CPQ: variants seen among roughly 807,000 people sequenced by gnomAD.
CPQ encodes the protein carboxypeptidase Q.
A neutral mutation model predicts 45.7 loss-of-function variants in CPQ; 37 were observed. That is an observed-to-expected ratio of 0.81 (90% CI 0.62 to 1.07). The LOEUF is 1.07. Among genes scored for constraint, CPQ ranks in the 50% least tolerant of loss-of-function variants. CPQ has a pLI of 0.00. For synonymous variants in CPQ, 186 were observed against 205.8 expected, an observed-to-expected ratio of 0.90 and a Z score of 0.82; for missense variants, 537 against 572.9, an observed-to-expected ratio of 0.94 and a Z score of 0.64.
chr8:97,060,779 A>G (rs1414628205), intron 6 of CPQ, among the ~76,000 whole-genome samples: 1 of 152,158 alleles, frequency 6.6e-6, no homozygotes, highest in Non-Finnish European at 1.5e-5. Context: ...CACTAGCTAT[A>G]ATCAGCTTTT....
chr8:96,866,873 G>C (rs574806252), intron 3 of CPQ, among the ~76,000 whole-genome samples: 1 of 152,222 alleles, frequency 6.6e-6, no homozygotes, highest in African/African-American at 2.4e-5. Context: ...CTAGGCCTTA[G>C]GAACACACTA....
At chr8:96,842,181 C>T (rs1487229010) in intron 3 of CPQ, among the ~76,000 whole-genome samples, 1 of 152,084 alleles carries the variant, frequency 6.6e-6, no homozygotes, top group Non-Finnish European at 1.5e-5. Flanking sequence ...TTGCTTTCCC[C>T]ACTCCCTTTG....
intron 1 of CPQ, among the ~76,000 whole-genome samples, chr8:96,681,217 A>G (rs1006797639): frequency 2.0e-5 from 3 of 152,248 alleles, no homozygotes; most frequent in Non-Finnish European, 4.4e-5. Flanking sequence ...ACTCCAGGGC[A>G]GGTCAGAAGT....
intron 4 of CPQ, among the ~76,000 whole-genome samples, chr8:96,917,887 T>C (rs957834708): frequency 2.6e-5 from 4 of 152,128 alleles, no homozygotes; most frequent in South Asian, 4.1e-4. Flanking sequence ...AGTTCCAGCA[T>C]AGATGTATTG....
At position 96,814,543 on chromosome 8, in the gene CPQ, A is replaced by C. The variant is rs570580895; in HGVS notation, c.434-20430A>C. Among the ~76,000 whole-genome samples, 12 of 152,264 alleles carry C rather than the reference A, an allele frequency of 7.9e-5. No individual in the cohort carries two copies. In the South Asian group the frequency reaches 2.5e-3, roughly 32 times the overall value. ...TAAGAGCTAATATATGAAATATACA[A>C]TCTGTATCTGGATGTTTGCATTTCT... On this transcript the variant is annotated intron_variant, in intron 2 of 7. Transcript: ENST00000220763.
chr8:96,833,066 T>C (rs1811480935), intron 2 of CPQ, among the ~76,000 whole-genome samples: 1 of 152,118 alleles, frequency 6.6e-6, no homozygotes, highest in Non-Finnish European at 1.5e-5. Flanking sequence ...TGGTATTGAT[T>C]TCTAAGGAGT....
At chr8:96,769,117 G>T (rs1051433045) in intron 1 of CPQ, among the ~76,000 whole-genome samples, 11 of 152,168 alleles carry the variant, frequency 7.2e-5, no homozygotes, top group African/African-American at 1.9e-4. Context: ...CCCTGTCTCT[G>T]GAAAGGCTAC....
At chr8:96,683,193 G>T (rs1463275346) in intron 1 of CPQ, among the ~76,000 whole-genome samples, 1 of 152,158 alleles carries the variant, frequency 6.6e-6, no homozygotes, top group East Asian at 1.9e-4. Context: ...AGTATTTCCT[G>T]CAGGGCTGAT....
intron 1 of CPQ, among the ~76,000 whole-genome samples, chr8:96,697,889 G>A (rs1809406528): frequency 6.6e-6 from 1 of 152,038 alleles, no homozygotes; most frequent in African/African-American, 2.4e-5. Flanking sequence ...CCATGTCCAT[G>A]GATTGGAAGA....
At chr8:96,656,584 A>G (rs1474565831) in intron 1 of CPQ, among the ~76,000 whole-genome samples, 1 of 152,024 alleles carries the variant, frequency 6.6e-6, no homozygotes, top group Non-Finnish European at 1.5e-5. Context: ...CTGAGTCTGG[A>G]TTGAGTCACT....
chr8:96,666,764 C>T (rs541788252), intron 1 of CPQ, among the ~76,000 whole-genome samples: 9 of 152,286 alleles, frequency 5.9e-5, no homozygotes, highest in Middle Eastern at 3.4e-3. Context: ...GTATTGCTCC[C>T]GGGCTTGATG....
intron 2 of CPQ, among the ~76,000 whole-genome samples, chr8:96,800,896 A>G (rs1586406129): frequency 6.6e-6 from 1 of 152,230 alleles, no homozygotes; most frequent in East Asian, 1.9e-4. Flanking sequence ...AGCAAATAGG[A>G]CAAAGAGACT....
At chr8:96,946,685 A>T (rs542598344) in intron 4 of CPQ, among the ~76,000 whole-genome samples, 4 of 150,324 alleles carry the variant, frequency 2.7e-5, no homozygotes, top group African/African-American at 7.3e-5. Flanking sequence ...GTACCTCAAG[A>T]TTCCCTAAAT....
intron 4 of CPQ, among the ~76,000 whole-genome samples, chr8:96,915,728 C>T (rs530913213): frequency 6.6e-6 from 1 of 152,220 alleles, no homozygotes; most frequent in East Asian, 1.9e-4. Flanking sequence ...ATGCTCGGCT[C>T]TAAATACACT....
At chr8:96,968,103 CTT>C (rs1441985853) in intron 5 of CPQ, among the ~76,000 whole-genome samples, 3 of 152,142 alleles carry the variant, frequency 2.0e-5, no homozygotes, top group Non-Finnish European at 4.4e-5. Flanking sequence ...TGCCTCCTAA[CTT>C]TTAGTATATT....
intron 1 of CPQ, among the ~76,000 whole-genome samples, chr8:96,763,579 G>A (rs1277399175): frequency 3.3e-5 from 5 of 151,954 alleles, no homozygotes; most frequent in African/African-American, 4.8e-5. Flanking sequence ...GGGAATGAAA[G>A]GACAAGTCAC....
chr8:96,722,757 C>G (rs529044793), intron 1 of CPQ, among the ~76,000 whole-genome samples: 2 of 152,256 alleles, frequency 1.3e-5, no homozygotes, highest in African/African-American at 2.4e-5. Context: ...CCAGTGTACT[C>G]CTCTCCGTAT....
At chr8:97,103,945 A>C (rs1441496262) in intron 7 of CPQ, among the ~76,000 whole-genome samples, 1 of 152,182 alleles carries the variant, frequency 6.6e-6, no homozygotes, top group African/African-American at 2.4e-5. Context: ...GAGACTGCAT[A>C]GGATGGCCTA....
chr8:97,045,696 G>T (rs2130498506), intron 6 of CPQ, among the ~76,000 whole-genome samples: 1 of 152,328 alleles, frequency 6.6e-6, no homozygotes, highest in Non-Finnish European at 1.5e-5. Context: ...GTGACCCAAA[G>T]ATCATTAGGT....
Sources: allele counts gnomAD v4.1 joint callset (sites outside exome capture counted in the v4.1 genomes callset), GRCh38; gene constraint gnomAD v4.1.1; transcripts MANE v1.5; gene names NCBI Gene and HGNC (gene_info 2026-07-23, HGNC 2026-07-21).